The following CAMKMT variants were observed in gnomAD, a reference collection of about 807,000 sequenced individuals.
CAMKMT encodes the protein CaM KMT.
In CAMKMT, 53 loss-of-function variants were observed where a neutral mutation model predicts 48.0. That is an observed-to-expected ratio of 1.10 (90% CI 0.89 to 1.39). CAMKMT has a LOEUF of 1.39. CAMKMT is among the 40% of genes most tolerant of loss of function. The pLI is 0.00. For synonymous variants in CAMKMT, 165 were observed against 152.3 expected (o/e 1.08, Z -0.61); for missense variants, 428 against 402.7 (o/e 1.06, Z -0.54).
intron 7 of CAMKMT, among the ~76,000 whole-genome samples, chr2:44,716,190 G>GTCATCATTT (rs1248824144): frequency 6.6e-6 from 1 of 152,104 alleles, no homozygotes; most frequent in African/African-American, 2.4e-5. Context: ...CTGTGAAGCT[G>GTCATCATTT]TCATCATTTG....
At chr2:44,616,362 C>T (rs1412560044) in intron 3 of CAMKMT, among the ~76,000 whole-genome samples, 1 of 152,172 alleles carries the variant, frequency 6.6e-6, no homozygotes, top group African/African-American at 2.4e-5. Flanking sequence ...ATTTATCTGC[C>T]AAGCAATTGT....
Position 44,760,568 on chromosome 2 carries a change from A to G in CAMKMT, c.763-5862A>G, listed in dbSNP as rs554161348. ...GGAGCTTGCAGTGAGCGGAGATTGC[A>G]CCACTGCACTCCAGACTGGGCAACA... is the stretch of plus-strand genomic sequence containing the variant. On this transcript the variant is annotated intron_variant, in intron 9 of 10. Coordinates refer to ENST00000378494, the MANE Select transcript of CAMKMT (RefSeq NM_024766.5). Among the ~76,000 whole-genome samples, 518 of 148,344 alleles carry G rather than the reference A, an allele frequency of 3.5e-3. 2 individuals are homozygous for G. Among genetic ancestry groups the G allele is most frequent in the African/African-American group, 0.012 (486 of 39,836 alleles).
At chr2:44,443,081 T>C (rs1349203376) in intron 3 of CAMKMT, among the ~76,000 whole-genome samples, 2 of 152,210 alleles carry the variant, frequency 1.3e-5, no homozygotes, top group African/African-American at 2.4e-5. Context: ...AAAATATAGT[T>C]CTTTGAACTC....
chr2:44,653,960 A>G lies in CAMKMT; in HGVS notation c.377-50323A>G, dbSNP rs1020439809. Among the ~76,000 whole-genome samples the G allele has an allele frequency of 6.6e-5, 10 of 152,214 alleles. No homozygotes were observed. Among genetic ancestry groups the G allele is most frequent in the African/African-American group, 2.4e-4 (10 of 41,452 alleles). ...ATCAAACCCATTTATGAAAATTGTT[A>G]GAGTCTTTCTTTGAATTAAAATTTT... is the stretch of plus-strand genomic sequence containing the variant. On this transcript the variant is annotated intron_variant, in intron 3 of 10. Coordinates refer to ENST00000378494, the MANE Select transcript of CAMKMT (RefSeq NM_024766.5). This position sits in a 1 kb window ranked among gnomAD's most constrained non-coding sequence, Gnocchi z 5.2.
intron 3 of CAMKMT, among the ~76,000 whole-genome samples, chr2:44,584,362 T>C (rs182480479): frequency 3.9e-5 from 6 of 152,352 alleles, no homozygotes; most frequent in Admixed American, 6.5e-5. Context: ...CTAGAGGACC[T>C]GGGATATTAC....
chr2:44,665,040 A>G (rs922287884), intron 3 of CAMKMT, among the ~76,000 whole-genome samples: 3 of 152,122 alleles, frequency 2.0e-5, no homozygotes, highest in Non-Finnish European at 2.9e-5. Context: ...ATTTTAAAAA[A>G]AGAAGAAGTT....
intron 3 of CAMKMT, among the ~76,000 whole-genome samples, chr2:44,578,050 A>G (rs1669331041): frequency 6.6e-6 from 1 of 152,160 alleles, no homozygotes; most frequent in South Asian, 2.1e-4. Flanking sequence ...AACTAATAAA[A>G]TGTGTATGCT....
At position 44,486,550 on chromosome 2, in the gene CAMKMT, A is replaced by G. The variant is rs188877961; in HGVS notation, c.376+96245A>G. On this transcript the variant is annotated intron_variant, in intron 3 of 10. Transcript: ENST00000378494. ...AGGCACAAACTCATAGTGTGTACTG[A>G]TGTTGGTCATAGAATGCCTCAATGT... is the stretch of plus-strand genomic sequence containing the variant. Among the ~76,000 whole-genome samples, 7 of 152,298 alleles carry G rather than the reference A, an allele frequency of 4.6e-5. No homozygotes were observed. The South Asian group carries it at 1.0e-3, about 23-fold the overall frequency.
intron 2 of CAMKMT, among the ~76,000 whole-genome samples, chr2:44,381,155 A>G (rs1461048493): frequency 6.6e-6 from 1 of 152,136 alleles, no homozygotes; most frequent in Non-Finnish European, 1.5e-5. Flanking sequence ...GCAAGACTCC[A>G]TCTCAAAAAA....
intron 3 of CAMKMT, among the ~76,000 whole-genome samples, chr2:44,510,083 A>G (rs1670464184): frequency 6.6e-6 from 1 of 152,210 alleles, no homozygotes; most frequent in Non-Finnish European, 1.5e-5. Flanking sequence ...TGAAATCTCA[A>G]AATTGACATT....
chr2:44,553,364 C>CTTTT (rs11355850), intron 3 of CAMKMT, among the ~76,000 whole-genome samples: 1 of 141,202 alleles, frequency 7.1e-6, no homozygotes, highest in African/African-American at 2.6e-5. Flanking sequence ...GAGTGAGACA[C>CTTTT]TTTTTTTTTT....
intron 3 of CAMKMT, among the ~76,000 whole-genome samples, chr2:44,638,261 GAA>G (rs1257746271): frequency 6.6e-6 from 1 of 152,158 alleles, no homozygotes; most frequent in African/African-American, 2.4e-5. Context: ...GGAGTGTTAA[GAA>G]AGTTAGACTA....
chr2:44,478,147 G>A (rs1668783500), intron 3 of CAMKMT, among the ~76,000 whole-genome samples: 1 of 152,102 alleles, frequency 6.6e-6, no homozygotes, highest in African/African-American at 2.4e-5. Context: ...TTTTTCTAAA[G>A]AAACATGATA....
intron 3 of CAMKMT, among the ~76,000 whole-genome samples, chr2:44,459,719 C>G (rs936799469): frequency 6.6e-6 from 1 of 152,110 alleles, no homozygotes; most frequent in Non-Finnish European, 1.5e-5. Flanking sequence ...AAGAATAGTA[C>G]TAGTATATTT....
At position 44,647,468 on chromosome 2, in the gene CAMKMT, G is replaced by A. The variant is rs114648196; in HGVS notation, c.377-56815G>A. 9.5e-3 allele frequency among the ~76,000 whole-genome samples: 1,448 copies of A among 152,188 alleles called. 14 individuals are homozygous for A. The highest frequency in any genetic ancestry group is 0.015 in the Non-Finnish European group (990 of 68,012). On this transcript the variant is annotated intron_variant, in intron 3 of 10. Transcript: ENST00000378494. ...TGTGATTGGTCACTGATCATGATGCGCATGTGTTATTTACATAGCAATTTG... is the reference window on the plus strand; with the variant it reads ...TGTGATTGGTCACTGATCATGATGCACATGTGTTATTTACATAGCAATTTG...
At chr2:44,460,518 A>G (rs1012465126) in intron 3 of CAMKMT, among the ~76,000 whole-genome samples, 7 of 152,146 alleles carry the variant, frequency 4.6e-5, no homozygotes, top group Non-Finnish European at 7.4e-5. Flanking sequence ...AACAGTTCAA[A>G]TTCTGTTGAA....
At chr2:44,401,590 T>A (rs2592193) in intron 3 of CAMKMT, among the ~76,000 whole-genome samples, 1 of 152,084 alleles carries the variant, frequency 6.6e-6, no homozygotes, top group Admixed American at 6.6e-5. Context: ...ATAGCTACAT[T>A]GCTTCACCAA....
intron 3 of CAMKMT, among the ~76,000 whole-genome samples, chr2:44,523,096 AC>A (rs1385001091): frequency 2.0e-5 from 3 of 152,072 alleles, no homozygotes; most frequent in Admixed American, 6.6e-5. Context: ...ACAGCACCAA[AC>A]TTTTAGTAAT....
intron 3 of CAMKMT, among the ~76,000 whole-genome samples, chr2:44,445,772 C>A (rs577037944): frequency 6.8e-6 from 1 of 147,884 alleles, no homozygotes; most frequent in African/African-American, 2.5e-5. Context: ...CCTCAGCCCC[C>A]TCCTCTTGTT....
Sources: allele counts gnomAD v4.1 joint callset (sites outside exome capture counted in the v4.1 genomes callset), GRCh38; gene constraint gnomAD v4.1.1; non-coding constraint Gnocchi (gnomAD v3.1); transcripts MANE v1.5; gene names NCBI Gene and HGNC (gene_info 2026-07-23, HGNC 2026-07-21).